BRWD1: variants seen among roughly 807,000 people sequenced by gnomAD.
BRWD1 encodes the protein bromodomain and WD repeat-containing protein 1.
Under a neutral mutation model 251.2 loss-of-function variants are expected in BRWD1, and 82 were observed. The ratio of observed to expected loss-of-function variants is 0.33; its 90% CI spans 0.27 to 0.39. The LOEUF is 0.39. Ranked by LOEUF, BRWD1 falls within the 10% of genes least tolerant of loss-of-function variation. The probability of loss-of-function intolerance (pLI) is 1.00; values close to 1 mark genes in which losing one functional copy is unlikely to be tolerated. For synonymous variants in BRWD1, 918 were observed against 902.8 expected (o/e 1.02, Z -0.30); for missense variants, 2,233 against 2,711.6 (o/e 0.82, Z 3.92).
intron 4 of BRWD1, among the ~76,000 whole-genome samples, chr21:39,308,942 G>A (rs903093756): frequency 4.6e-5 from 7 of 152,082 alleles, no homozygotes; most frequent in Admixed American, 6.6e-5. Context: ...TTGGGAGGCC[G>A]AGGCGGGCAG....
upstream of BRWD1, chr21:39,314,301 C>A (rs1027730968): frequency 8.8e-6 from 4 of 455,898 alleles, no homozygotes; most frequent in Non-Finnish European, 1.8e-5. Flanking sequence ...CCACATCCCC[C>A]ACAAGCCAGC....
intron 4 of BRWD1, among the ~76,000 whole-genome samples, chr21:39,305,309 G>A (rs2036251557): frequency 1.3e-5 from 2 of 152,076 alleles, no homozygotes; most frequent in Admixed American, 6.6e-5. Flanking sequence ...CAGTAAGCTT[G>A]CAAAAATCCA....
intron 36 of BRWD1, among the ~76,000 whole-genome samples, chr21:39,207,556 G>C (rs1025521385): frequency 2.6e-5 from 4 of 151,576 alleles, no homozygotes; most frequent in African/African-American, 9.7e-5. Context: ...CTGCCAGCGG[G>C]AATGTAAAAA....
At chr21:39,232,823 A>C (rs1250765411) in intron 23 of BRWD1, among the ~76,000 whole-genome samples, 2 of 151,878 alleles carry the variant, frequency 1.3e-5, no homozygotes, top group African/African-American at 4.8e-5. Flanking sequence ...CCAAGACTCC[A>C]CTCTGAGTTT....
intron 19 of BRWD1, among the ~76,000 whole-genome samples, chr21:39,252,529 C>G (rs1383152495): frequency 6.6e-6 from 1 of 152,176 alleles, no homozygotes; most frequent in East Asian, 1.9e-4. Context: ...AAAATTCACC[C>G]TTGTTTCCAC....
intron 4 of BRWD1, among the ~76,000 whole-genome samples, chr21:39,310,676 T>C (rs995558195): frequency 6.6e-6 from 1 of 152,184 alleles, no homozygotes; most frequent in African/African-American, 2.4e-5. Context: ...TTTGTGTACA[T>C]CTGAAATACT....
intron 31 of BRWD1, chr21:39,217,083 A>ATTTTTTTTTTT (rs1160265618): frequency 3.5e-5 from 1 of 28,894 alleles, no homozygotes; most frequent in Non-Finnish European, 6.0e-5. Context: ...ATATATATAT[A>ATTTTTTTTTTT]TTTTTTTTTT....
chr21:39,203,316 G>T (rs887141492), intron 37 of BRWD1, among the ~76,000 whole-genome samples: 2 of 151,846 alleles, frequency 1.3e-5, no homozygotes, highest in African/African-American at 2.4e-5. Context: ...GCTGGGCATA[G>T]TTGTGCACAT....
At chr21:39,293,255 G>A (rs1021545722) in intron 8 of BRWD1, among the ~76,000 whole-genome samples, 1 of 152,110 alleles carries the variant, frequency 6.6e-6, no homozygotes, top group Non-Finnish European at 1.5e-5. Flanking sequence ...AGCACTTTGG[G>A]AGGCTGAGCC....
chr21:39,245,599 T>C (rs1271101760), intron 21 of BRWD1, among the ~76,000 whole-genome samples: 3 of 95,888 alleles, frequency 3.1e-5, no homozygotes, highest in Non-Finnish European at 5.8e-5. Flanking sequence ...CTTTTTTTTT[T>C]GGTTTTTTTT....
In BRWD1 at chr21:39,191,394, T is replaced by C. The variant is rs1040971091; in HGVS notation, c.*4865A>G. On this transcript the variant is annotated 3_prime_UTR_variant, in exon 41 of 41. Transcript: ENST00000342449. ...CAGCTAGAATGTATTTGGCTTGGAGTAGTGTTTTGTTTTGTTTTTTAACTC... is the reference window on the plus strand; with the variant it reads ...CAGCTAGAATGTATTTGGCTTGGAGCAGTGTTTTGTTTTGTTTTTTAACTC... The C allele has an allele frequency of 4.1e-6, 4 of 985,202 alleles. No individual in the cohort carries two copies. The highest frequency in any genetic ancestry group is 3.6e-6 in the Non-Finnish European group (3 of 829,858). The allele number at this position is 985,202 out of a possible 1,614,324, so 61.0% of individuals were successfully genotyped here.
At chr21:39,277,098 AACTT>A (rs2035302486) in intron 11 of BRWD1, among the ~76,000 whole-genome samples, 149 bp downstream of exon 11, 1 of 152,222 alleles carries the variant, frequency 6.6e-6, no homozygotes, top group Admixed American at 6.5e-5. Flanking sequence ...AATATTTTAA[AACTT>A]AATACCATCA....
intron 5 of BRWD1, chr21:39,297,188 G>A: frequency 2.0e-6 from 2 of 985,410 alleles, no homozygotes; most frequent in African/African-American, 1.7e-5. Context: ...GTCACACTGT[G>A]CCAGAAATTA....
intron 4 of BRWD1, among the ~76,000 whole-genome samples, chr21:39,300,960 C>T (rs1273760738): frequency 6.6e-6 from 1 of 152,116 alleles, no homozygotes; most frequent in Non-Finnish European, 1.5e-5. Flanking sequence ...GGGCAGATTA[C>T]GAGGTCAGGA....
intron 4 of BRWD1, chr21:39,312,619 G>A (rs1486218231): frequency 5.3e-6 from 2 of 374,976 alleles, no homozygotes; most frequent in Non-Finnish European, 9.8e-6. Context: ...CGCCCCCACC[G>A]CTCCGCCCCG....
intron 25 of BRWD1, 109 bp from the exon 26 acceptor site, chr21:39,229,545 G>T: frequency 9.6e-7 from 1 of 1,046,164 alleles, no homozygotes; most frequent in Non-Finnish European, 1.4e-6. Context: ...TTCCAAACCC[G>T]CAGACAAGTT....
intron 34 of BRWD1, among the ~76,000 whole-genome samples, chr21:39,211,574 T>C (rs1210059598): frequency 6.6e-6 from 1 of 152,170 alleles, no homozygotes; most frequent in Non-Finnish European, 1.5e-5. Flanking sequence ...CTGGAGCTTC[T>C]GGCCACACCA....
At chr21:39,282,193 A>C (rs2146710209) in intron 8 of BRWD1, among the ~76,000 whole-genome samples, 1 of 152,210 alleles carries the variant, frequency 6.6e-6, no homozygotes, top group Middle Eastern at 3.4e-3. Flanking sequence ...CAAAGAGCCA[A>C]GATCACACCA....
chr21:39,254,666 GTTTC>G (rs763574456), intron 19 of BRWD1, among the ~76,000 whole-genome samples: 3 of 152,142 alleles, frequency 2.0e-5, no homozygotes, highest in Non-Finnish European at 4.4e-5. Context: ...GTATACTTGG[GTTTC>G]TTTTTTAGAT....
Sources: gnomAD v4.1 joint callset for allele counts (sites outside exome capture counted in the v4.1 genomes callset) on GRCh38, gnomAD v4.1.1 for gene constraint, MANE v1.5 for transcripts, NCBI Gene and HGNC (gene_info 2026-07-23, HGNC 2026-07-21) for gene names.